CSMD1: variants seen among roughly 807,000 people sequenced by gnomAD.
The protein encoded by CSMD1 is CUB and Sushi multiple domains 1.
CSMD1 carries 213 observed loss-of-function variants against 417.5 expected under a neutral mutation model. The ratio of observed to expected loss-of-function variants is 0.51; its 90% CI spans 0.46 to 0.57. CSMD1 has a LOEUF of 0.57. CSMD1 is among the 20% of genes least tolerant of loss of function. CSMD1 has a pLI of 0.00. For missense variants in CSMD1, 6,923 were observed against 4,529.7 expected, an observed-to-expected ratio of 1.53 and a Z score of -15.17; for synonymous variants, 2,862 against 1,736.8, an observed-to-expected ratio of 1.65 and a Z score of -16.11.
intron 52 of CSMD1, among the ~76,000 whole-genome samples, chr8:3,013,463 T>A (rs1347408531): frequency 6.6e-6 from 1 of 152,134 alleles, no homozygotes; most frequent in Non-Finnish European, 1.5e-5. Flanking sequence ...ATATCAAAAA[T>A]TTTCCAGCCT....
intron 3 of CSMD1, among the ~76,000 whole-genome samples, chr8:4,233,494 T>A (rs2128815829): frequency 6.6e-6 from 1 of 152,282 alleles, no homozygotes; most frequent in South Asian, 2.1e-4. Context: ...GGAGCTTTCA[T>A]GAACGGGATT....
intron 5 of CSMD1, among the ~76,000 whole-genome samples, chr8:3,920,241 C>T (rs749430963): frequency 6.6e-6 from 1 of 151,892 alleles, no homozygotes; most frequent in African/African-American, 2.4e-5. Context: ...CACCATGTTG[C>T]CCGGGATGCT....
At chr8:4,271,427 T>C (rs1299254624) in intron 3 of CSMD1, among the ~76,000 whole-genome samples, 1 of 152,186 alleles carries the variant, frequency 6.6e-6, no homozygotes, top group Non-Finnish European at 1.5e-5. Context: ...TGAAATGTTG[T>C]AGGAGACTCT....
At chr8:4,289,247 C>G (rs1462708219) in intron 3 of CSMD1, among the ~76,000 whole-genome samples, 4 of 152,168 alleles carry the variant, frequency 2.6e-5, no homozygotes, top group Non-Finnish European at 4.4e-5. Context: ...TGTTATTCAA[C>G]TGTTTTCCCT....
At chr8:2,993,319 C>T (rs954901036) in intron 54 of CSMD1, among the ~76,000 whole-genome samples, 1 of 152,138 alleles carries the variant, frequency 6.6e-6, no homozygotes, top group African/African-American at 2.4e-5. Context: ...TAAATCATCC[C>T]CCTTGTTGAA....
At chr8:3,306,699 AGGATTGGTTAGGACT>A (rs1804880328) in intron 25 of CSMD1, among the ~76,000 whole-genome samples, 1 of 152,230 alleles carries the variant, frequency 6.6e-6, no homozygotes, top group South Asian at 2.1e-4. Context: ...CATTTTAAAA[AGGATTGGTTAGGACT>A]GTGTGTCCAC....
intron 10 of CSMD1, among the ~76,000 whole-genome samples, chr8:3,531,612 A>C (rs1004201928): frequency 1.3e-5 from 2 of 152,100 alleles, no homozygotes; most frequent in Non-Finnish European, 2.9e-5. Context: ...AGGCTGGTCC[A>C]CTCCAGGTTA....
chr8:3,974,009 CTT>C (rs1339604659), intron 5 of CSMD1, among the ~76,000 whole-genome samples: 1 of 152,148 alleles, frequency 6.6e-6, no homozygotes, highest in Non-Finnish European at 1.5e-5. Context: ...CAATTACACT[CTT>C]TAAGTTACTT....
At chr8:3,909,186 T>C (rs1020289551) in intron 5 of CSMD1, among the ~76,000 whole-genome samples, 1 of 152,038 alleles carries the variant, frequency 6.6e-6, no homozygotes, top group South Asian at 2.1e-4. Flanking sequence ...GTAGCTAAGA[T>C]TTGTGGATGT....
At chr8:4,636,968 G>T (rs181779263) in intron 2 of CSMD1, among the ~76,000 whole-genome samples, 5 of 152,228 alleles carry the variant, frequency 3.3e-5, no homozygotes, top group African/African-American at 1.2e-4. Context: ...CAATCAGCAG[G>T]ATCGTAAAAG....
At chr8:3,439,132 AAAAAAAAAAAAAAAAAAAAACCAAG>A (rs1720401055) in intron 12 of CSMD1, among the ~76,000 whole-genome samples, 2 of 124,670 alleles carry the variant, frequency 1.6e-5, no homozygotes, top group African/African-American at 6.9e-5. Context: ...CAAAAAAAAA[AAAAAAAAAAAAAAAAAAAAACCAAG>A]AAAAAAAAAA....
chr8:3,914,424 C>G (rs1011392841), intron 5 of CSMD1, among the ~76,000 whole-genome samples: 7 of 152,114 alleles, frequency 4.6e-5, no homozygotes, highest in Non-Finnish European at 5.9e-5. Context: ...GGAGAGACAA[C>G]CATGTTCTAA....
chr8:3,955,091 G>C (rs1381195825), intron 5 of CSMD1, among the ~76,000 whole-genome samples: 1 of 152,170 alleles, frequency 6.6e-6, no homozygotes, highest in Non-Finnish European at 1.5e-5. Context: ...CATTTCTAGT[G>C]GGTGCGGGAA....
At chr8:4,635,974 G>A (rs560492626) in intron 2 of CSMD1, among the ~76,000 whole-genome samples, 1 of 151,726 alleles carries the variant, frequency 6.6e-6, no homozygotes, top group African/African-American at 2.4e-5. Flanking sequence ...TTTGAAAGTG[G>A]GTGAAAAAAT....
At chr8:3,556,176 A>G (rs1799132239) in intron 10 of CSMD1, among the ~76,000 whole-genome samples, 2 of 151,938 alleles carry the variant, frequency 1.3e-5, no homozygotes, top group South Asian at 4.1e-4. Flanking sequence ...TGGATTTTAT[A>G]AACATGTAAC....
rs112384844 is a variant in CSMD1, at chr8:4,804,458, A to ATT, written c.86-166902_86-166901dup. Among the ~76,000 whole-genome samples, 41 of 145,606 alleles carry ATT rather than the reference A, an allele frequency of 2.8e-4. 1 individual carries two copies. In the South Asian group the frequency reaches 4.3e-3, roughly 15 times the overall value. On this transcript the variant is annotated intron_variant, in intron 1 of 69. Coordinates refer to ENST00000635120, the MANE Select transcript of CSMD1 (RefSeq NM_033225.6). ...CAGTCATATACAGACTTCGGTGTAG[A>ATT]TTTTTTTTTTTTTATTTAAAAAGGG...
At chr8:3,398,763 T>C (rs1353963172) in intron 16 of CSMD1, among the ~76,000 whole-genome samples, 1 of 152,194 alleles carries the variant, frequency 6.6e-6, no homozygotes, top group African/African-American at 2.4e-5. Flanking sequence ...TTGAGAGAAA[T>C]GGGAAAACCC....
At chr8:4,938,668 A>C (rs4618718) in intron 1 of CSMD1, among the ~76,000 whole-genome samples, 1 of 151,982 alleles carries the variant, frequency 6.6e-6, no homozygotes, top group Admixed American at 6.5e-5. Context: ...CTCCAGGATC[A>C]AGCCTCATGA....
At chr8:3,247,390 T>C (rs948468192) in intron 26 of CSMD1, among the ~76,000 whole-genome samples, 1 of 152,130 alleles carries the variant, frequency 6.6e-6, no homozygotes, top group Non-Finnish European at 1.5e-5. Context: ...ACCCATGACA[T>C]TGTGACCCCT....
Sources: gnomAD v4.1 joint callset for allele counts (sites outside exome capture counted in the v4.1 genomes callset) on GRCh38, gnomAD v4.1.1 for gene constraint, MANE v1.5 for transcripts, NCBI Gene and HGNC (gene_info 2026-07-23, HGNC 2026-07-21) for gene names.